CDIN1: variants seen among roughly 807,000 people sequenced by gnomAD.
The protein encoded by CDIN1 is CDAN1-interacting nuclease 1.
A neutral mutation model predicts 45.3 loss-of-function variants in CDIN1; 33 were observed. The observed-to-expected ratio is 0.73, with a 90% CI of 0.55 to 0.97. CDIN1 has a LOEUF of 0.97. Ranked by LOEUF, CDIN1 falls within the 50% of genes least tolerant of loss-of-function variation. The probability of loss-of-function intolerance (pLI) is 0.00; values close to 1 mark genes in which losing one functional copy is unlikely to be tolerated. For missense variants in CDIN1, 303 were observed against 339.4 expected (o/e 0.89, Z 0.84); for synonymous variants, 118 against 124.4 (o/e 0.95, Z 0.34).
Position 36,748,662 on chromosome 15 carries a change from AAAAC to A in CDIN1, c.716+38717_716+38720del, listed in dbSNP as rs571768976. On this transcript the variant is annotated intron_variant, in intron 10 of 10. Transcript: ENST00000566621. ...TTTAGATTTAGGTACCAAAAAAGTA[AAAAC>A]AAACAAACAAACAAAACGTGCAGCC... Among the ~76,000 whole-genome samples, 26 of 152,310 alleles carry A rather than the reference AAAAC, an allele frequency of 1.7e-4. No individual in the cohort carries two copies. The East Asian group carries it at 1.7e-3, about 10-fold the overall frequency.
chr15:36,638,109 A>T (rs559371245), intron 1 of CDIN1, among the ~76,000 whole-genome samples: 42 of 152,308 alleles, frequency 2.8e-4, no homozygotes, highest in African/African-American at 9.6e-4. Context: ...AATAAAAATA[A>T]TTTTTAAAAA....
intron 5 of CDIN1, among the ~76,000 whole-genome samples, chr15:36,673,105 G>A (rs2041512280): frequency 6.6e-6 from 1 of 152,008 alleles, no homozygotes. Context: ...ATGGCACTGG[G>A]GAAAAGTATC....
chr15:36,736,243 GCTT>G (rs891008573), intron 10 of CDIN1, among the ~76,000 whole-genome samples: 3 of 152,024 alleles, frequency 2.0e-5, no homozygotes, highest in African/African-American at 7.3e-5. Flanking sequence ...AATGAAGGTG[GCTT>G]CTTATTACAC....
intron 10 of CDIN1, among the ~76,000 whole-genome samples, chr15:36,779,299 A>G (rs1482397225): frequency 6.6e-6 from 1 of 152,158 alleles, no homozygotes; most frequent in Non-Finnish European, 1.5e-5. Flanking sequence ...TCTAGCTCGC[A>G]CAGTTTTCTT....
At chr15:36,721,798 G>T (rs2043427667) in intron 10 of CDIN1, among the ~76,000 whole-genome samples, 1 of 151,014 alleles carries the variant, frequency 6.6e-6, no homozygotes, top group East Asian at 2.0e-4. Context: ...CTGTCTGTCT[G>T]TCTGTCTCTG....
chr15:36,777,384 C>A (rs541633572), intron 10 of CDIN1, among the ~76,000 whole-genome samples: 1 of 150,366 alleles, frequency 6.7e-6, no homozygotes, highest in East Asian at 1.9e-4. Flanking sequence ...TTTAGAGTTA[C>A]GCTTTGTTGG....
At chr15:36,646,117 C>T (rs2040317405) in intron 3 of CDIN1, among the ~76,000 whole-genome samples, 2 of 152,098 alleles carry the variant, frequency 1.3e-5, no homozygotes, top group African/African-American at 4.8e-5. Context: ...TTGAAATCTG[C>T]TCTTAAATTA....
At chr15:36,798,915 GTTGA>G (rs2054912285) in intron 10 of CDIN1, 1 of 152,190 alleles carries the variant, frequency 6.6e-6, no homozygotes, top group South Asian at 2.1e-4. Flanking sequence ...AAGTCTGATG[GTTGA>G]TTAACTGGCA....
intron 1 of CDIN1, among the ~76,000 whole-genome samples, chr15:36,592,350 A>G (rs2037618213): frequency 6.6e-6 from 1 of 152,178 alleles, no homozygotes; most frequent in Non-Finnish European, 1.5e-5. Flanking sequence ...AAATTGGCAA[A>G]TGGTACAACC....
chr15:36,653,607 G>C (rs2040660228), intron 3 of CDIN1, among the ~76,000 whole-genome samples: 1 of 152,132 alleles, frequency 6.6e-6, no homozygotes, highest in South Asian at 2.1e-4. Context: ...GTGATGGCTT[G>C]TATTGCCTGT....
In CDIN1 at chr15:36,579,728, A is replaced by AT. The variant is rs1428168537; in HGVS notation, c.-131dup. The AT allele has an allele frequency of 1.5e-6, 1 of 670,064 alleles. No individual in the cohort carries two copies. Among genetic ancestry groups the AT allele is most frequent in the Non-Finnish European group, 2.5e-6 (1 of 398,252 alleles). The allele number at this position is 670,064 out of a possible 1,614,324, so 41.5% of individuals were successfully genotyped here. A position where few individuals can be genotyped will look rare whatever the true frequency, so the allele number is the denominator to read the frequency against. ...CAGCTAGGGGTGTGTTTCAGGGGGGATTGGGGCAAGCCAAGCAGGCGAGGA... is the reference window on the plus strand; with the variant it reads ...CAGCTAGGGGTGTGTTTCAGGGGGGATTTGGGGCAAGCCAAGCAGGCGAGGA... On this transcript the variant is annotated 5_prime_UTR_variant, in exon 1 of 11. Coordinates refer to ENST00000566621, the MANE Select transcript of CDIN1 (RefSeq NM_001321759.2).
intron 10 of CDIN1, among the ~76,000 whole-genome samples, chr15:36,739,922 C>T (rs916318888): frequency 8.5e-5 from 13 of 152,052 alleles, no homozygotes; most frequent in South Asian, 2.1e-4. Context: ...TTTTTAAACT[C>T]TGATTGAATA....
At chr15:36,632,719 G>A (rs1231572389) in intron 1 of CDIN1, among the ~76,000 whole-genome samples, 1 of 152,124 alleles carries the variant, frequency 6.6e-6, no homozygotes, top group African/African-American at 2.4e-5. Context: ...TTCCCGAGGG[G>A]AAGGAGAGGG....
In CDIN1 at chr15:36,778,010, C is replaced by T. The variant is rs151146438; in HGVS notation, c.717-30314C>T. 6.5e-3 allele frequency among the ~76,000 whole-genome samples: 983 copies of T among 152,300 alleles called. 4 individuals are homozygous for T. The highest frequency in any genetic ancestry group is 0.01 in the Non-Finnish European group (710 of 68,022). ...AATGCTTGGGTGATCCCTTCTGGGT[C>T]TTCACTTGCTTGATTTTAGGATGTT... On this transcript the variant is annotated intron_variant, in intron 10 of 10. Transcript: ENST00000566621.
chr15:36,690,414 G>A (rs1233967544), intron 5 of CDIN1, among the ~76,000 whole-genome samples: 5 of 151,638 alleles, frequency 3.3e-5, no homozygotes, highest in African/African-American at 4.8e-5. Context: ...GACTACAGGC[G>A]CCCACCACCA....
intron 1 of CDIN1, among the ~76,000 whole-genome samples, chr15:36,620,269 T>TG (rs2039116460): frequency 6.6e-6 from 1 of 151,990 alleles, no homozygotes; most frequent in Non-Finnish European, 1.5e-5. Context: ...GAGAATGGCG[T>TG]GACACCGGGG....
At chr15:36,626,121 A>G (rs2039412339) in intron 1 of CDIN1, among the ~76,000 whole-genome samples, 1 of 151,438 alleles carries the variant, frequency 6.6e-6, no homozygotes, top group African/African-American at 2.4e-5. Context: ...TGCATGTATT[A>G]AATATTATGT....
intron 1 of CDIN1, among the ~76,000 whole-genome samples, chr15:36,622,970 A>C (rs1054936248): frequency 1.3e-5 from 2 of 152,250 alleles, no homozygotes; most frequent in Non-Finnish European, 2.9e-5. Context: ...ACACAAATGT[A>C]TGGAGCTGCC....
chr15:36,621,710 A>G (rs1432668389), intron 1 of CDIN1, among the ~76,000 whole-genome samples: 1 of 152,180 alleles, frequency 6.6e-6, no homozygotes, highest in Non-Finnish European at 1.5e-5. Flanking sequence ...ATTTCAGAGA[A>G]TAAACATTCT....
Sources: gnomAD v4.1 joint callset for allele counts (sites outside exome capture counted in the v4.1 genomes callset) on GRCh38, gnomAD v4.1.1 for gene constraint, MANE v1.5 for transcripts, NCBI Gene and HGNC (gene_info 2026-07-23, HGNC 2026-07-21) for gene names.